PTPRJ: variants seen among roughly 807,000 people sequenced by gnomAD.
PTPRJ encodes the protein protein tyrosine phosphatase receptor type J, also known as receptor-type tyrosine-protein phosphatase eta.
PTPRJ carries 129 observed loss-of-function variants against 141.3 expected under a neutral mutation model. That is an observed-to-expected ratio of 0.91 (90% confidence interval 0.79 to 1.06). The LOEUF is 1.06. PTPRJ is among the 50% of genes least tolerant of loss of function. The pLI is 0.00. For missense variants in PTPRJ, 1,601 were observed against 1,679.7 expected, an observed-to-expected ratio of 0.95 and a Z score of 0.82; for synonymous variants, 610 against 640.5, an observed-to-expected ratio of 0.95 and a Z score of 0.72.
In PTPRJ at chr11:48,156,022, G is replaced by A; in HGVS notation, c.3341G>A (p.Gly1114Glu). ...HSKKDFIATQ[G>E]PLPNTLKDFW... ...AAGAAAGATTTTATTGCCACACAAG[G>A]ACCTTTACCGAACACTTTGAAAGAT... The change falls in exon 21 of 25, where the codon GGA (glycine) becomes GAA (glutamate). Residue 1114 changes from glycine (G) to glutamate (E), a missense_variant. By Grantham distance (98) the Gly-to-Glu change is moderately conservative. Coordinates refer to ENST00000418331, the MANE Select transcript of PTPRJ (RefSeq NM_002843.4). The A allele has an allele frequency of 6.2e-7, 1 of 1,607,842 alleles. No individual in the cohort carries two copies. Among genetic ancestry groups the A allele is most frequent in the Non-Finnish European group, 8.5e-7 (1 of 1,174,324 alleles).
chr11:48,121,319 A>G (rs1267120579), intron 4 of PTPRJ, 53 bp downstream of exon 4: 1 of 1,569,656 alleles, frequency 6.4e-7, no homozygotes, highest in East Asian at 2.3e-5. Flanking sequence ...ATTATGGTGT[A>G]TTCTAGGGCC....
Position 48,125,092 on chromosome 11 carries a change from C to T in PTPRJ, c.999C>T (p.Val333=), listed in dbSNP as rs144303799. 2.0e-5 allele frequency: 32 copies of T among 1,613,924 alleles called. 1 individual carries two copies. The highest frequency in any genetic ancestry group is 6.7e-5 in the African/African-American group (5 of 74,890). Residue 333 remains valine, a synonymous_variant, in exon 6 of 25, where the codon GTC becomes GTT. Transcript: ENST00000418331. ...CCCGAGACACGGAAGTCCTGCTTGT[C>T]GGGTTAGAGCCTGGCACCCGATACA... ...QQSRDTEVLL[V]GLEPGTRYNA...
chr11:48,148,508 G>A (rs868254058), intron 15 of PTPRJ, among the ~76,000 whole-genome samples: 4 of 151,888 alleles, frequency 2.6e-5, no homozygotes, highest in Middle Eastern at 3.2e-3. Context: ...CGTGGTCTTG[G>A]CTCACTGCAA....
intron 1 of PTPRJ, among the ~76,000 whole-genome samples, chr11:48,006,118 C>T (rs528842494): frequency 1.3e-5 from 2 of 152,312 alleles, no homozygotes; most frequent in African/African-American, 4.8e-5. Context: ...CACAGAACCG[C>T]TGTGATGGGA....
intron 1 of PTPRJ, among the ~76,000 whole-genome samples, chr11:48,054,884 G>A (rs1371235425): frequency 6.6e-6 from 1 of 151,268 alleles, no homozygotes; most frequent in Non-Finnish European, 1.5e-5. Context: ...ACTGAAGGGG[G>A]GTATATAAAG....
At chr11:48,085,073 T>C (rs1855662638) in intron 1 of PTPRJ, among the ~76,000 whole-genome samples, 2 of 152,172 alleles carry the variant, frequency 1.3e-5, no homozygotes, top group Non-Finnish European at 2.9e-5. Flanking sequence ...AAGAAAAATA[T>C]CCACAACTAC....
At chr11:48,020,969 G>C (rs970068389) in intron 1 of PTPRJ, among the ~76,000 whole-genome samples, 6 of 152,230 alleles carry the variant, frequency 3.9e-5, no homozygotes, top group Non-Finnish European at 8.8e-5. Flanking sequence ...GGGCAGGCTG[G>C]CTACCAGTGA....
At chr11:47,989,126 G>A (rs565642499) in intron 1 of PTPRJ, among the ~76,000 whole-genome samples, 20 of 151,156 alleles carry the variant, frequency 1.3e-4, no homozygotes, top group Middle Eastern at 3.4e-3. Flanking sequence ...CTTGTGATCC[G>A]CCCGCCTCGG....
intron 1 of PTPRJ, among the ~76,000 whole-genome samples, chr11:48,088,286 A>G (rs1156406848): frequency 6.6e-6 from 1 of 152,182 alleles, no homozygotes; most frequent in Non-Finnish European, 1.5e-5. Flanking sequence ...TTTAACAGAG[A>G]TATCACAGAG....
intron 1 of PTPRJ, among the ~76,000 whole-genome samples, chr11:48,030,113 A>G (rs911034461): frequency 2.0e-5 from 3 of 152,184 alleles, no homozygotes; most frequent in African/African-American, 7.2e-5. Flanking sequence ...GGAATGTTGG[A>G]TTTTTATCTG....
In PTPRJ at chr11:48,167,487, T is replaced by G; in HGVS notation, c.*125T>G. 8.5e-7 allele frequency: 1 copy of G among 1,179,050 alleles called. No homozygotes were observed. The highest frequency in any genetic ancestry group is 2.8e-5 in the Admixed American group (1 of 35,332). 73.0% of individuals were successfully genotyped at this position (1,179,050 alleles called of 1,614,324 possible). A position where few individuals can be genotyped will look rare whatever the true frequency, so the allele number is the denominator to read the frequency against. ...ATTCTTTGTTCTGTTTTGTGAGAACTAATTTTGAGGGCATGAAGCTGCATA... is the reference window on the plus strand; with the variant it reads ...ATTCTTTGTTCTGTTTTGTGAGAACGAATTTTGAGGGCATGAAGCTGCATA... On this transcript the variant is annotated 3_prime_UTR_variant, in exon 25 of 25. Transcript: ENST00000418331.
In PTPRJ at chr11:47,980,802, C is replaced by T. The variant is rs184700061; in HGVS notation, c.-111C>T. ...AGCGGGGACGAGGCGGACCGGCTGG[C>T]GGAGGAGGAGGCGAAGGAGACGGCA... On this transcript the variant is annotated 5_prime_UTR_variant, in exon 1 of 25. Coordinates refer to ENST00000418331, the MANE Select transcript of PTPRJ (RefSeq NM_002843.4). 2.9e-6 allele frequency: 3 copies of T among 1,039,660 alleles called. No individual in the cohort carries two copies. The highest frequency in any genetic ancestry group is 1.7e-5 in the African/African-American group (1 of 58,186). 64.4% of individuals were successfully genotyped at this position (1,039,660 alleles called of 1,614,324 possible).
At chr11:48,049,107 C>A (rs543552664) in intron 1 of PTPRJ, among the ~76,000 whole-genome samples, 77 of 152,224 alleles carry the variant, frequency 5.1e-4, no homozygotes, top group African/African-American at 1.7e-3. Context: ...TTCTCAGCCT[C>A]GGCACTACTG....
At chr11:48,101,664 G>A (rs915981185) in intron 1 of PTPRJ, among the ~76,000 whole-genome samples, 2 of 152,220 alleles carry the variant, frequency 1.3e-5, no homozygotes, top group East Asian at 3.8e-4. Flanking sequence ...TGGGCAGTGG[G>A]GAAGGGAGGA....
In PTPRJ at chr11:47,980,959, G is replaced by T. The variant is rs1162877791; in HGVS notation, c.47G>T (p.Gly16Val). The T allele has an allele frequency of 2.5e-6, 3 of 1,206,664 alleles. No individual in the cohort carries two copies. The African/African-American group carries it at 4.8e-5, about 19-fold the overall frequency. The allele number at this position is 1,206,664 out of a possible 1,614,324, so 74.7% of individuals were successfully genotyped here. A position where few individuals can be genotyped will look rare whatever the true frequency, so the allele number is the denominator to read the frequency against. The part of the protein sequence containing the change: ...REARLPPRSP[G>V]LRWALPLLLL... ...GCGCGGCTGCCTCCGCGCTCGCCCG[G>T]GCTGCGCTGGGCGCTGCCGCTGCTG... The change falls in exon 1 of 25, where the codon GGG (glycine) becomes GTG (valine). Residue 16 changes from glycine (G) to valine (V), a missense_variant. Coordinates refer to ENST00000418331, the MANE Select transcript of PTPRJ (RefSeq NM_002843.4).
intron 3 of PTPRJ, among the ~76,000 whole-genome samples, chr11:48,119,067 T>C (rs1856639782): frequency 6.7e-6 from 1 of 148,870 alleles, no homozygotes; most frequent in Admixed American, 6.7e-5. Flanking sequence ...ACCTTTCTCA[T>C]GAAGTTGTTG....
Position 47,980,741 on chromosome 11 carries a change from C to G in PTPRJ, c.-172C>G, listed in dbSNP as rs1853877123. The G allele has an allele frequency of 7.9e-6, 8 of 1,011,084 alleles. 1 individual carries two copies. The highest frequency in any genetic ancestry group is 9.7e-4 in the Middle Eastern group (2 of 2,054). 62.6% of individuals were successfully genotyped at this position (1,011,084 alleles called of 1,614,324 possible). ...GGCGTGTGGCCGCGGCCGCCGCCGCCGCTGCCATGTCTCCGGGGAAGCCCG... is the reference window on the plus strand; with the variant it reads ...GGCGTGTGGCCGCGGCCGCCGCCGCGGCTGCCATGTCTCCGGGGAAGCCCG... On this transcript the variant is annotated 5_prime_UTR_variant, in exon 1 of 25. Transcript: ENST00000418331.
intron 1 of PTPRJ, among the ~76,000 whole-genome samples, chr11:48,049,859 C>T (rs1370549844): frequency 2.0e-5 from 3 of 152,168 alleles, no homozygotes; most frequent in Non-Finnish European, 4.4e-5. Flanking sequence ...TTAAATTACA[C>T]TGCAGGCCTT....
At chr11:48,141,953 T>TA (rs898928251) in intron 11 of PTPRJ, among the ~76,000 whole-genome samples, 5 of 151,342 alleles carry the variant, frequency 3.3e-5, no homozygotes, top group African/African-American at 4.9e-5. Context: ...TTTTTTTTTT[T>TA]AAACAAATTT....
Sources: allele counts gnomAD v4.1 joint callset (sites outside exome capture counted in the v4.1 genomes callset), GRCh38; gene constraint gnomAD v4.1.1; transcripts MANE v1.5; gene names NCBI Gene and HGNC (gene_info 2026-07-23, HGNC 2026-07-21).